Variants in ATM observed in about 807,000 individuals in gnomAD.
ATM encodes the protein ATM serine/threonine kinase, also known as serine-protein kinase ATM.
In ATM, 308 loss-of-function variants were observed where a neutral mutation model predicts 387.0. The ratio of observed to expected loss-of-function variants is 0.80; its 90% CI spans 0.73 to 0.87. The LOEUF (loss-of-function observed/expected upper bound fraction) is 0.87. ATM is among the 40% of genes least tolerant of loss of function. ATM has a pLI of 0.00. For synonymous variants in ATM, 1,156 were observed against 1,187.3 expected (o/e 0.97, Z 0.54); for missense variants, 3,312 against 3,560.9 (o/e 0.93, Z 1.78).
rs1025339570 is a variant in ATM at position 108,249,045 on chromosome 11, G to T, written c.1178G>T (p.Trp393Leu). 1 of 1,613,904 alleles carries T rather than the reference G, an allele frequency of 6.2e-7. No homozygotes were observed. The change falls in exon 9 of 63, where the codon TGG (tryptophan) becomes TTG (leucine). Residue 393 changes from tryptophan to leucine, a missense_variant. Trp to Leu is a moderately conservative substitution (Grantham distance 61). This residue lies in a region of ATM where 1,791 missense variants were observed against 1,804.5 expected (regional missense o/e 0.99). Coordinates refer to ENST00000675843, the MANE Select transcript of ATM (RefSeq NM_000051.4). ...AAAAGGAAGAAAATAGAACTAGGCT[G>T]GGAAGTAATAAAAGATCACCTTCAG... Reference protein sequence around the residue: ...PCKRKKIELGWEVIKDHLQKS... With the variant: ...PCKRKKIELGLEVIKDHLQKS...
rs566646895 is a variant in ATM, at chr11:108,232,313, A to G, written c.331+2990A>G. ...ATTGGGGCAAAACCAGGGAGTTACT[A>G]TTCCCTCACCCCACTTCAGTTGTTT... On this transcript the variant is annotated intron_variant, in intron 4 of 62. Coordinates refer to ENST00000675843, the MANE Select transcript of ATM (RefSeq NM_000051.4). Among the ~76,000 whole-genome samples the G allele has an allele frequency of 2.0e-5, 3 of 152,166 alleles. No individual in the cohort carries two copies. In the East Asian group the frequency reaches 5.8e-4, roughly 29 times the overall value.
At chr11:108,237,510 A>G (rs2079336883) in intron 5 of ATM, among the ~76,000 whole-genome samples, 1 of 151,660 alleles carries the variant, frequency 6.6e-6, no homozygotes, top group Non-Finnish European at 1.5e-5. Flanking sequence ...AACCTTTGCC[A>G]CTTCTTCCCG....
chr11:108,261,613 A>G (rs1275320230), intron 16 of ATM, among the ~76,000 whole-genome samples: 3 of 152,166 alleles, frequency 2.0e-5, no homozygotes, highest in Non-Finnish European at 4.4e-5. Flanking sequence ...CTCACCAGCA[A>G]CGGAACAAAG....
chr11:108,320,107 C>T (rs1310445912), intron 44 of ATM, 49 bp downstream of exon 44: 2 of 1,373,608 alleles, frequency 1.5e-6, no homozygotes, highest in Non-Finnish European at 2.1e-6. Context: ...AATGTCATGG[C>T]TTCTTTTCTG....
intron 22 of ATM, among the ~76,000 whole-genome samples, chr11:108,278,406 GTGGCA>G (rs1183018284): frequency 8.5e-5 from 13 of 152,256 alleles, no homozygotes; most frequent in Non-Finnish European, 1.5e-4. Context: ...CAGTGTAGTG[GTGGCA>G]TTAAAAAAAC....
intron 1 of ATM, 109 bp downstream of exon 1, chr11:108,223,295 G>C (rs1027243688): frequency 6.5e-6 from 1 of 153,848 alleles, no homozygotes; most frequent in African/African-American, 2.4e-5. Flanking sequence ...CTCCAGAGTG[G>C]CCCTTGACTC....
rs2137940315 is a variant in ATM, at chr11:108,365,637, T to C, written c.*129T>C. 2.6e-6 allele frequency: 3 copies of C among 1,133,358 alleles called. No homozygotes were observed. The highest frequency in any genetic ancestry group is 3.7e-6 in the Non-Finnish European group (3 of 801,076). The allele number at this position is 1,133,358 out of a possible 1,614,324, so 70.2% of individuals were successfully genotyped here. ...GAACTATTGTGGGTTTTTTTGAATGTTGGTTTTAATACTTGATTTAATCAC... is the reference window on the plus strand; with the variant it reads ...GAACTATTGTGGGTTTTTTTGAATGCTGGTTTTAATACTTGATTTAATCAC... On this transcript the variant is annotated 3_prime_UTR_variant, in exon 63 of 63. Coordinates refer to ENST00000675843, the MANE Select transcript of ATM (RefSeq NM_000051.4).
At chr11:108,227,551 TATATAC>T (rs1052875923) in intron 1 of ATM, 38 bp from the exon 2 acceptor site, 34 of 1,185,980 alleles carry the variant, frequency 2.9e-5, no homozygotes, top group African/African-American at 1.4e-4. Context: ...TATATATGCA[TATATAC>T]ATATACATAT....
At chr11:108,263,276 A>G (rs1208068266) in intron 16 of ATM, among the ~76,000 whole-genome samples, 1 of 138,740 alleles carries the variant, frequency 7.2e-6, no homozygotes, top group Non-Finnish European at 1.6e-5. Flanking sequence ...AGAAATTATA[A>G]CAAACTATCT....
intron 57 of ATM, among the ~76,000 whole-genome samples, chr11:108,344,415 A>G (rs2088018339): frequency 6.6e-6 from 1 of 152,196 alleles, no homozygotes; most frequent in Non-Finnish European, 1.5e-5. Flanking sequence ...TGTTTGAGGA[A>G]GAAAAGATGA....
At chr11:108,333,177 CA>C (rs1258539345) in intron 53 of ATM, among the ~76,000 whole-genome samples, 3 of 152,024 alleles carry the variant, frequency 2.0e-5, no homozygotes, top group Non-Finnish European at 4.4e-5. Flanking sequence ...ATAATAGAGG[CA>C]AGTCTATTAA....
In ATM at chr11:108,267,196, A is replaced by G. The variant is rs587781352; in HGVS notation, c.2492A>G (p.Asp831Gly). The G allele has an allele frequency of 4.3e-6, 7 of 1,614,012 alleles. No homozygotes were observed. The highest frequency in any genetic ancestry group is 1.3e-5 in the African/African-American group (1 of 74,920). ...SLASFIKKPF[D>G]RGEVESMEDD... ...GCATCCTTCATCAAAAAGCCATTTG[A>G]CCGTGGAGAAGTAGAATCAATGGAA... The change falls in exon 17 of 63, where the codon GAC (aspartate) becomes GGC (glycine). Residue 831 changes from aspartate to glycine, a missense_variant. This residue lies in a region of ATM where 1,791 missense variants were observed against 1,804.5 expected (regional missense o/e 0.99). Coordinates refer to ENST00000675843, the MANE Select transcript of ATM (RefSeq NM_000051.4).
chr11:108,279,673 T>G, intron 23 of ATM, 65 bp downstream of exon 23: 1 of 1,295,710 alleles, frequency 7.7e-7, no homozygotes, highest in Non-Finnish European at 1.1e-6. Flanking sequence ...ATAAATTACT[T>G]CACCAAGTTT....
intron 16 of ATM, among the ~76,000 whole-genome samples, chr11:108,261,131 C>A (rs2080851819): frequency 6.6e-6 from 1 of 152,192 alleles, no homozygotes; most frequent in African/African-American, 2.4e-5. Context: ...TAGGTGGAGC[C>A]CACCACAGCT....
intron 37 of ATM, among the ~76,000 whole-genome samples, chr11:108,305,408 C>T (rs778038590): frequency 1.3e-5 from 2 of 151,994 alleles, no homozygotes; most frequent in African/African-American, 2.4e-5. Context: ...GGTGAAACCC[C>T]GTCCCTACTA....
chr11:108,337,422 G>T (rs190060322), intron 56 of ATM, among the ~76,000 whole-genome samples: 1 of 152,196 alleles, frequency 6.6e-6, no homozygotes, highest in African/African-American at 2.4e-5. Flanking sequence ...TCTTTGATGT[G>T]GTTAAGATCA....
At chr11:108,267,863 A>C (rs1481990047) in intron 17 of ATM, among the ~76,000 whole-genome samples, 1 of 152,360 alleles carries the variant, frequency 6.6e-6, no homozygotes, top group Non-Finnish European at 1.5e-5. Flanking sequence ...GTCTCAAAAA[A>C]AGAAATAAAA....
At chr11:108,336,887 T>G (rs1042293548) in intron 56 of ATM, among the ~76,000 whole-genome samples, 2 of 152,246 alleles carry the variant, frequency 1.3e-5, no homozygotes, top group African/African-American at 4.8e-5. Flanking sequence ...CAATAAATCC[T>G]TATTTTGAAG....
chr11:108,263,827 C>T (rs1460940628), intron 16 of ATM, among the ~76,000 whole-genome samples: 1 of 151,184 alleles, frequency 6.6e-6, no homozygotes, highest in African/African-American at 2.4e-5. Flanking sequence ...GCAATACAAA[C>T]TACCATCAGA....
Sources: gnomAD v4.1 joint callset for allele counts (sites outside exome capture counted in the v4.1 genomes callset) on GRCh38, gnomAD v4.1.1 for gene constraint, gnomAD v4.1.1 regional missense constraint, MANE v1.5 for transcripts, NCBI Gene and HGNC (gene_info 2026-07-23, HGNC 2026-07-21) for gene names.